The following OLFML1 variants were observed in gnomAD, a reference collection of about 807,000 sequenced individuals.
The protein encoded by OLFML1 is olfactomedin-like protein 1.
In OLFML1, 33 loss-of-function variants were observed where a neutral mutation model predicts 37.3. That is an observed-to-expected ratio of 0.88 (90% CI 0.67 to 1.18). OLFML1 has a LOEUF of 1.18. OLFML1 is among the 50% of genes most tolerant of loss of function. The probability of loss-of-function intolerance (pLI) is 0.00; values close to 1 mark genes in which losing one functional copy is unlikely to be tolerated. For synonymous variants in OLFML1, 186 were observed against 181.3 expected (o/e 1.03, Z -0.21); for missense variants, 545 against 483.7 (o/e 1.13, Z -1.19).
chr11:7,508,741 T>C (rs1848815398), intron 2 of OLFML1, among the ~76,000 whole-genome samples: 1 of 152,248 alleles, frequency 6.6e-6, no homozygotes, highest in Non-Finnish European at 1.5e-5. Flanking sequence ...AGGGTCAGAA[T>C]CCTTCACTAG....
At chr11:7,502,380 A>C (rs1848733308) in intron 2 of OLFML1, among the ~76,000 whole-genome samples, 1 of 152,216 alleles carries the variant, frequency 6.6e-6, no homozygotes, top group Admixed American at 6.5e-5. Context: ...TAGCCAGGCT[A>C]GTCACATAAT....
chr11:7,493,507 GGT>G (rs200422872), intron 2 of OLFML1, among the ~76,000 whole-genome samples: 74 of 152,342 alleles, frequency 4.9e-4, no homozygotes, highest in African/African-American at 1.8e-3. Flanking sequence ...TGTAAGTACA[GGT>G]GTGTGTGTGC....
chr11:7,505,369 A>G (rs12287269), intron 2 of OLFML1, among the ~76,000 whole-genome samples: 99,123 of 152,020 alleles, frequency 0.65, 33,378 homozygotes, highest in African/African-American at 0.8. Context: ...GAGGCCCAGC[A>G]TTCCTATGCT....
chr11:7,506,498 C>A (rs1224634731), intron 2 of OLFML1, among the ~76,000 whole-genome samples: 6 of 151,988 alleles, frequency 3.9e-5, no homozygotes, highest in Non-Finnish European at 8.8e-5. Context: ...AAGGGACTGG[C>A]CAGGGCGGGG....
In OLFML1 at chr11:7,509,397, G is replaced by A. The variant is rs1424808727; in HGVS notation, c.419-1G>A. The stretch of plus-strand genomic sequence containing the variant: ...CTCTCCTTTTTCTCCTGTTTGGCCA[G>A]GCTGTGACAACATGCTGATGGGCAT... On this transcript the variant is annotated splice_acceptor_variant, in intron 2 of 2. Transcript: ENST00000329293. LOFTEE classifies it high-confidence loss of function. 1 of 1,598,418 alleles carries A rather than the reference G, an allele frequency of 6.3e-7. No individual in the cohort carries two copies. The highest frequency in any genetic ancestry group is 8.5e-7 in the Non-Finnish European group (1 of 1,171,224).
intron 2 of OLFML1, among the ~76,000 whole-genome samples, chr11:7,494,125 A>C (rs928791739): frequency 3.9e-5 from 6 of 152,260 alleles, no homozygotes; most frequent in African/African-American, 7.2e-5. Context: ...TAAGTGGAGA[A>C]TAAAGTAATA....
intron 2 of OLFML1, among the ~76,000 whole-genome samples, chr11:7,494,526 C>A (rs1029748231): frequency 6.6e-6 from 1 of 152,228 alleles, no homozygotes; most frequent in Non-Finnish European, 1.5e-5. Context: ...CAAGGTCACA[C>A]AACTAATAGA....
rs558185130 is a variant in OLFML1, at chr11:7,486,140, T to C, written c.129+136T>C. ...ACATTGCCAAAGTTACACTTTAAAATGCTCATAGTCTGGCAGTTTAGAGCC... is the reference window on the plus strand; with the variant it reads ...ACATTGCCAAAGTTACACTTTAAAACGCTCATAGTCTGGCAGTTTAGAGCC... On this transcript the variant is annotated intron_variant, in intron 1 of 2. Coordinates refer to ENST00000329293, the MANE Select transcript of OLFML1 (RefSeq NM_198474.4). The C allele has an allele frequency of 4.7e-5, 41 of 867,390 alleles. 1 individual carries two copies. In the African/African-American group the frequency reaches 6.6e-4, roughly 14 times the overall value. The allele number at this position is 867,390 out of a possible 1,614,324, so 53.7% of individuals were successfully genotyped here.
At chr11:7,502,450 G>C (rs1848734233) in intron 2 of OLFML1, among the ~76,000 whole-genome samples, 1 of 96,156 alleles carries the variant, frequency 1.0e-5, no homozygotes, top group Non-Finnish European at 2.3e-5. Flanking sequence ...CTATAGGTAA[G>C]TAAGAAAAAA....
Position 7,511,251 on chromosome 11 carries a change from C to A in OLFML1, c.*1063C>A, listed in dbSNP as rs571335043. Reference sequence around the variant, plus strand: ...CAGAAAACCAGTCTAAGGGTGAGGACCCCAACTCTAGCCTCCTCTTGTCTT... The same window carrying A: ...CAGAAAACCAGTCTAAGGGTGAGGAACCCAACTCTAGCCTCCTCTTGTCTT... On this transcript the variant is annotated 3_prime_UTR_variant, in exon 3 of 3. Coordinates refer to ENST00000329293, the MANE Select transcript of OLFML1 (RefSeq NM_198474.4). 3 of 152,348 alleles carry A rather than the reference C, an allele frequency of 2.0e-5. No homozygotes were observed. Among genetic ancestry groups the A allele is most frequent in the Admixed American group, 2.0e-4 (3 of 15,310 alleles). 9.4% of individuals were successfully genotyped at this position (152,348 alleles called of 1,614,324 possible). A position where few individuals can be genotyped will look rare whatever the true frequency, so the allele number is the denominator to read the frequency against.
At chr11:7,506,525 G>A (rs1003976909) in intron 2 of OLFML1, among the ~76,000 whole-genome samples, 2 of 152,088 alleles carry the variant, frequency 1.3e-5, no homozygotes, top group African/African-American at 4.8e-5. Context: ...GGGCAGTGTG[G>A]GGAAGATATA....
chr11:7,486,452 G>T (rs112026570), intron 1 of OLFML1, among the ~76,000 whole-genome samples: 2,715 of 152,144 alleles, frequency 0.018, 98 homozygotes, highest in African/African-American at 0.061. Context: ...TCAGCTTTTC[G>T]TTTTGTCTTT....
rs551344532 is a variant in OLFML1 at position 7,511,191 on chromosome 11, G to T, written c.*1003G>T. 12 of 152,338 alleles carry T rather than the reference G, an allele frequency of 7.9e-5. No homozygotes were observed. The highest frequency in any genetic ancestry group is 2.9e-4 in the African/African-American group (12 of 41,570). The allele number at this position is 152,338 out of a possible 1,614,324, so 9.4% of individuals were successfully genotyped here. On this transcript the variant is annotated 3_prime_UTR_variant, in exon 3 of 3. Coordinates refer to ENST00000329293, the MANE Select transcript of OLFML1 (RefSeq NM_198474.4). ...TTAGCCAGTTTTCATGTCTGCACAA[G>T]ACCTTTCAATAGGCCTTTCAAATGA...
chr11:7,500,869 T>C (rs1848714942), intron 2 of OLFML1, among the ~76,000 whole-genome samples: 3 of 151,828 alleles, frequency 2.0e-5, no homozygotes, highest in Admixed American at 6.6e-5. Flanking sequence ...ACTCTGTCTC[T>C]AAAATAATAA....
At chr11:7,502,914 CATT>C (rs1399709672) in intron 2 of OLFML1, among the ~76,000 whole-genome samples, 1 of 152,130 alleles carries the variant, frequency 6.6e-6, no homozygotes, top group Non-Finnish European at 1.5e-5. Flanking sequence ...CCTTATGTAA[CATT>C]ATAATTTAAA....
At chr11:7,493,814 T>A (rs1320637274) in intron 2 of OLFML1, among the ~76,000 whole-genome samples, 1 of 152,222 alleles carries the variant, frequency 6.6e-6, no homozygotes, top group Non-Finnish European at 1.5e-5. Flanking sequence ...CTATAACTTA[T>A]TTATTTATTC....
At position 7,489,815 on chromosome 11, in the gene OLFML1, G is replaced by T. The variant is rs182527529; in HGVS notation, c.418+1400G>T. 3.3e-5 allele frequency among the ~76,000 whole-genome samples: 5 copies of T among 152,244 alleles called. No homozygotes were observed. In the East Asian group the frequency reaches 9.7e-4, roughly 29 times the overall value. Reference sequence around the variant, plus strand: ...TTGGGCTTAGGTCATCGAATGGTTGGTATGAAATATGCTGAGATGGAAAAC... The same window carrying T: ...TTGGGCTTAGGTCATCGAATGGTTGTTATGAAATATGCTGAGATGGAAAAC... On this transcript the variant is annotated intron_variant, in intron 2 of 2. Transcript: ENST00000329293.
In OLFML1 at chr11:7,510,112, A is replaced by C; in HGVS notation, c.1133A>C (p.Lys378Thr). Reference sequence around the variant, plus strand: ...ATGATCCATTACAACCCCAGAGATAAGCAGCTCTATGCCTGGAATGAAGGA... The same window carrying C: ...ATGATCCATTACAACCCCAGAGATACGCAGCTCTATGCCTGGAATGAAGGA... The part of the protein sequence containing the change: ...HSMIHYNPRD[K>T]QLYAWNEGNQ... The change falls in exon 3 of 3, where the codon AAG becomes ACG. Residue 378 changes from lysine (K) to threonine (T), a missense_variant. By Grantham distance (78) the Lys-to-Thr change is moderately conservative. Transcript: ENST00000329293. 1 of 1,614,204 alleles carries C rather than the reference A, an allele frequency of 6.2e-7. No individual in the cohort carries two copies. Among genetic ancestry groups the C allele is most frequent in the South Asian group, 1.1e-5 (1 of 91,084 alleles).
At chr11:7,507,215 G>A (rs536002048) in intron 2 of OLFML1, among the ~76,000 whole-genome samples, 117 of 152,206 alleles carry the variant, frequency 7.7e-4, no homozygotes, top group African/African-American at 2.6e-3. Context: ...TAACTCCTTC[G>A]TTTTACTTCA....
Sources: gnomAD v4.1 joint callset for allele counts (sites outside exome capture counted in the v4.1 genomes callset) on GRCh38, gnomAD v4.1.1 for gene constraint, MANE v1.5 for transcripts, NCBI Gene and HGNC (gene_info 2026-07-23, HGNC 2026-07-21) for gene names.